RBFOX1: variants seen among roughly 807,000 people sequenced by gnomAD.
The protein encoded by RBFOX1 is RNA binding protein fox-1 homolog 1.
In RBFOX1, 8 loss-of-function variants were observed where a neutral mutation model predicts 57.7. The observed-to-expected ratio is 0.14, with a 90% CI of 0.08 to 0.25. The LOEUF (loss-of-function observed/expected upper bound fraction) is 0.25. RBFOX1 is among the 10% of genes least tolerant of loss of function. RBFOX1 has a pLI of 1.00. For missense variants in RBFOX1, 611 were observed against 548.5 expected (o/e 1.11, Z -1.14); for synonymous variants, 326 against 222.4 (o/e 1.47, Z -4.15).
chr16:5,976,513 T>A (rs2060066101), intron 4 of RBFOX1, among the ~76,000 whole-genome samples: 1 of 152,144 alleles, frequency 6.6e-6, no homozygotes, highest in Admixed American at 6.5e-5. Context: ...GGTGGTCCAC[T>A]TCCCTTAGGA....
chr16:6,471,712 T>G (rs1251494762), intron 2 of RBFOX1, among the ~76,000 whole-genome samples: 1 of 152,140 alleles, frequency 6.6e-6, no homozygotes, highest in African/African-American at 2.4e-5. Flanking sequence ...GGAAGAGGTT[T>G]ATTCATCTCA....
intron 3 of RBFOX1, among the ~76,000 whole-genome samples, chr16:6,905,309 T>G (rs935096139): frequency 1.3e-5 from 2 of 151,856 alleles, no homozygotes; most frequent in African/African-American, 4.8e-5. Flanking sequence ...ATCCTAGAAC[T>G]TTGGGAGGCA....
At chr16:5,521,474 A>T (rs1018022727) in intron 2 of RBFOX1, among the ~76,000 whole-genome samples, 1 of 151,986 alleles carries the variant, frequency 6.6e-6, no homozygotes, top group Non-Finnish European at 1.5e-5. Flanking sequence ...TGTATCCTCC[A>T]TCTTCCCAGT....
chr16:6,902,444 C>G lies in RBFOX1; in HGVS notation c.-15-149613C>G, dbSNP rs141434704. ...GACCCAAGAGGAAAAGGTGGTTTTG[C>G]CAGGTGCAAAACCATGCTTGTAATC... On this transcript the variant is annotated intron_variant, in intron 3 of 15. Transcript: ENST00000550418. 8.3e-3 allele frequency among the ~76,000 whole-genome samples: 1,262 copies of G among 152,212 alleles called. 16 individuals carry two copies. The highest frequency in any genetic ancestry group is 0.029 in the African/African-American group (1,208 of 41,510).
chr16:7,001,320 G>A (rs2092767667), intron 3 of RBFOX1, among the ~76,000 whole-genome samples: 1 of 151,936 alleles, frequency 6.6e-6, no homozygotes, highest in Admixed American at 6.6e-5. Flanking sequence ...GTCAACTTAT[G>A]TATTTCCTAC....
intron 4 of RBFOX1, among the ~76,000 whole-genome samples, chr16:7,452,172 G>A (rs951227231): frequency 5.3e-5 from 8 of 152,336 alleles, no homozygotes; most frequent in East Asian, 1.9e-4. Context: ...CAGGCAGGTG[G>A]CAGCTGTAAA....
chr16:5,666,022 G>C (rs1024904969), intron 3 of RBFOX1, among the ~76,000 whole-genome samples: 1 of 152,230 alleles, frequency 6.6e-6, no homozygotes, highest in African/African-American at 2.4e-5. Context: ...ACTCAAACCA[G>C]TCAGAGCCTA....
intron 3 of RBFOX1, among the ~76,000 whole-genome samples, chr16:5,684,825 G>A (rs2050454115): frequency 6.6e-6 from 1 of 152,122 alleles, no homozygotes; most frequent in African/African-American, 2.4e-5. Flanking sequence ...GGTTGCTTGG[G>A]GGTATTTGGT....
chr16:7,580,037 C>A lies in RBFOX1; in HGVS notation c.414+117C>A, dbSNP rs558403231. 26 of 1,107,388 alleles carry A rather than the reference C, an allele frequency of 2.3e-5. No individual in the cohort carries two copies. In the African/African-American group the frequency reaches 3.1e-4, roughly 13 times the overall value. The allele number at this position is 1,107,388 out of a possible 1,614,324, so 68.6% of individuals were successfully genotyped here. On this transcript the variant is annotated intron_variant, in intron 6 of 15. Transcript: ENST00000550418. Reference sequence around the variant, plus strand: ...GGTTAGATGTTTGTATGGGGAGAAACAATTTAGAGCCTAGTCTGCAGGTAT... The same window carrying A: ...GGTTAGATGTTTGTATGGGGAGAAAAAATTTAGAGCCTAGTCTGCAGGTAT...
Position 6,525,014 on chromosome 16 carries a change from C to T in RBFOX1, c.-63-129589C>T, listed in dbSNP as rs557478936. ...TAAACATAAATTTTCAGAGGACACT[C>T]TTAGTACAGAGATCTTCATGTTAGT... On this transcript the variant is annotated intron_variant, in intron 2 of 15. Transcript: ENST00000550418. Among the ~76,000 whole-genome samples the T allele has an allele frequency of 2.0e-5, 3 of 152,144 alleles. No homozygotes were observed. In the East Asian group the frequency reaches 5.8e-4, roughly 29 times the overall value.
chr16:6,755,649 T>C (rs935951717), intron 3 of RBFOX1, among the ~76,000 whole-genome samples: 63 of 152,184 alleles, frequency 4.1e-4, no homozygotes, highest in Non-Finnish European at 8.5e-4. Flanking sequence ...ATGAGAACTT[T>C]AGTAAAAACA....
intron 1 of RBFOX1, among the ~76,000 whole-genome samples, chr16:6,093,842 A>G (rs1340587683): frequency 6.6e-6 from 1 of 150,760 alleles, no homozygotes; most frequent in Non-Finnish European, 1.5e-5. Context: ...CTGATCTCAA[A>G]CTCCTAGGCT....
At chr16:6,666,972 G>A (rs1383372926) in intron 3 of RBFOX1, among the ~76,000 whole-genome samples, 2 of 152,084 alleles carry the variant, frequency 1.3e-5, no homozygotes, top group African/African-American at 4.8e-5. Flanking sequence ...GTAGGCAAGG[G>A]CTTCTGACTC....
At chr16:7,379,825 C>T (rs549759352) in intron 4 of RBFOX1, among the ~76,000 whole-genome samples, 1 of 151,864 alleles carries the variant, frequency 6.6e-6, no homozygotes, top group East Asian at 2.0e-4. Flanking sequence ...TCCCTCCCTC[C>T]TCTTCCTTCC....
At chr16:6,156,135 A>T (rs966193030) in intron 1 of RBFOX1, among the ~76,000 whole-genome samples, 3 of 152,094 alleles carry the variant, frequency 2.0e-5, no homozygotes, top group African/African-American at 7.2e-5. Context: ...TATTCCATCC[A>T]ATTTTCTAAA....
chr16:5,608,513 C>G (rs1465262220), intron 3 of RBFOX1, among the ~76,000 whole-genome samples: 1 of 152,248 alleles, frequency 6.6e-6, no homozygotes, highest in East Asian at 1.9e-4. Context: ...CTTGACTTCT[C>G]TGTGCCTGTA....
chr16:6,765,278 A>G (rs927793329), intron 3 of RBFOX1, among the ~76,000 whole-genome samples: 4 of 152,198 alleles, frequency 2.6e-5, no homozygotes, highest in African/African-American at 9.6e-5. Flanking sequence ...TTGATTGCAA[A>G]CACAATATAT....
chr16:6,346,193 C>T (rs1292721657), intron 2 of RBFOX1, among the ~76,000 whole-genome samples: 1 of 152,094 alleles, frequency 6.6e-6, no homozygotes, highest in East Asian at 1.9e-4. Context: ...AACACATATG[C>T]AAGTGAATAC....
chr16:7,235,781 A>T (rs1282266012), intron 4 of RBFOX1, among the ~76,000 whole-genome samples: 1 of 152,240 alleles, frequency 6.6e-6, no homozygotes, highest in Non-Finnish European at 1.5e-5. Flanking sequence ...AAAGCTAAGT[A>T]ATATCCTGTG....
Sources: gnomAD v4.1 joint callset for allele counts (sites outside exome capture counted in the v4.1 genomes callset) on GRCh38, gnomAD v4.1.1 for gene constraint, MANE v1.5 for transcripts, NCBI Gene and HGNC (gene_info 2026-07-23, HGNC 2026-07-21) for gene names.